Variants in DCDC2C observed in about 807,000 individuals in gnomAD.
DCDC2C encodes the protein doublecortin domain containing 2C, also known as doublecortin domain-containing protein 2C.
DCDC2C carries 44 observed loss-of-function variants against 45.0 expected under a neutral mutation model. The observed-to-expected ratio is 0.98, with a 90% CI of 0.77 to 1.26. The LOEUF is 1.26. Ranked by LOEUF, DCDC2C falls within the 50% of genes most tolerant of loss-of-function variation. DCDC2C has a pLI of 0.00. For synonymous variants in DCDC2C, 187 were observed against 178.8 expected (o/e 1.05, Z -0.37); for missense variants, 447 against 468.9 (o/e 0.95, Z 0.43).
intron 8 of DCDC2C, among the ~76,000 whole-genome samples, chr2:3,771,031 C>T (rs187677198): frequency 9.2e-4 from 140 of 152,334 alleles, no homozygotes; most frequent in African/African-American, 3.2e-3. Flanking sequence ...CGCTGTCAAG[C>T]GGCAATATTA....
chr2:3,843,574 T>C, intron 10 of DCDC2C, among the ~76,000 whole-genome samples: 1 of 152,212 alleles, frequency 6.6e-6, no homozygotes, highest in Non-Finnish European at 1.5e-5. Context: ...TCAGGAAATG[T>C]AGTTTGGCCG....
intron 10 of DCDC2C, among the ~76,000 whole-genome samples, chr2:3,794,095 ATTG>A (rs1294491215): frequency 6.6e-6 from 1 of 152,174 alleles, no homozygotes; most frequent in African/African-American, 2.4e-5. Context: ...ATTAAAATCT[ATTG>A]TTATATTCTG....
chr2:3,706,496 C>A (rs1205097076), intron 1 of DCDC2C, among the ~76,000 whole-genome samples: 2 of 152,024 alleles, frequency 1.3e-5, no homozygotes, highest in African/African-American at 4.8e-5. Flanking sequence ...TGGAGAAAGC[C>A]ACATTTACAA....
At chr2:3,842,018 C>T (rs1160537320) in intron 10 of DCDC2C, among the ~76,000 whole-genome samples, 3 of 152,094 alleles carry the variant, frequency 2.0e-5, no homozygotes, top group Admixed American at 6.6e-5. Flanking sequence ...GAGTTTGAAA[C>T]CCAGAAGGGA....
At chr2:3,735,437 T>G (rs1032509796) in intron 3 of DCDC2C, among the ~76,000 whole-genome samples, 3 of 149,424 alleles carry the variant, frequency 2.0e-5, no homozygotes, top group African/African-American at 7.3e-5. Flanking sequence ...CAACAGTCCC[T>G]GGTGTGTGAT....
intron 10 of DCDC2C, among the ~76,000 whole-genome samples, chr2:3,813,039 G>GTATATATA (rs202152340): frequency 5.7e-5 from 5 of 87,440 alleles, no homozygotes; most frequent in South Asian, 3.4e-4. Flanking sequence ...TGAGAAGAAC[G>GTATATATA]TATATATATA....
At chr2:3,747,339 C>T (rs1175047341) in intron 4 of DCDC2C, among the ~76,000 whole-genome samples, 1 of 152,178 alleles carries the variant, frequency 6.6e-6, no homozygotes. Flanking sequence ...GTGATGTAGG[C>T]GACACTCATT....
chr2:3,769,345 G>A lies in DCDC2C; in HGVS notation c.888G>A (p.Lys296=). Residue 296 remains lysine (K), a synonymous_variant, in exon 8 of 11, where the codon AAG becomes AAA. Transcript: ENST00000399143. The part of the protein sequence containing the change: ...GDVYKAPTPS[K]ETQGALDVKE... The stretch of plus-strand genomic sequence containing the variant: ...TGTATAAAGCACCGACTCCTAGCAA[G>A]GAAACCCAAGGGGCGCTGGACGTCA... 6.4e-7 allele frequency: 1 copy of A among 1,550,598 alleles called. No homozygotes were observed. The highest frequency in any genetic ancestry group is 2.4e-5 in the East Asian group (1 of 40,924).
At chr2:3,826,035 G>GC (rs1298451983) in intron 10 of DCDC2C, among the ~76,000 whole-genome samples, 1 of 152,078 alleles carries the variant, frequency 6.6e-6, no homozygotes, top group African/African-American at 2.4e-5. Flanking sequence ...AGAAAAAGTT[G>GC]CCCTTAAGAC....
At chr2:3,714,763 T>C (rs1322521556) in intron 2 of DCDC2C, among the ~76,000 whole-genome samples, 1 of 152,226 alleles carries the variant, frequency 6.6e-6, no homozygotes, top group Non-Finnish European at 1.5e-5. Context: ...TTTAACTTTG[T>C]CCAGGTGACT....
intron 2 of DCDC2C, among the ~76,000 whole-genome samples, chr2:3,720,318 C>G (rs1474632711): frequency 1.3e-5 from 2 of 152,218 alleles, no homozygotes; most frequent in Non-Finnish European, 2.9e-5. Context: ...GCATCAGGAA[C>G]AGTCCAGCAT....
At chr2:3,711,282 C>T (rs1036205002) in intron 2 of DCDC2C, among the ~76,000 whole-genome samples, 8 of 152,200 alleles carry the variant, frequency 5.3e-5, no homozygotes, top group African/African-American at 1.4e-4. Context: ...CCAGCAATGC[C>T]GTTACTGGGT....
At chr2:3,715,141 C>T (rs1572552417) in intron 2 of DCDC2C, among the ~76,000 whole-genome samples, 1 of 151,978 alleles carries the variant, frequency 6.6e-6, no homozygotes, top group East Asian at 1.9e-4. Context: ...TTTTTCAAAA[C>T]TCCTTTCTAT....
In DCDC2C at chr2:3,785,095, A is replaced by G; in HGVS notation, c.1060A>G (p.Arg354Gly). 1 of 1,231,756 alleles carries G rather than the reference A, an allele frequency of 8.1e-7. No individual in the cohort carries two copies. Among genetic ancestry groups the G allele is most frequent in the East Asian group, 3.2e-5 (1 of 31,700 alleles). The allele number at this position is 1,231,756 out of a possible 1,614,324, so 76.3% of individuals were successfully genotyped here. A position where few individuals can be genotyped will look rare whatever the true frequency, so the allele number is the denominator to read the frequency against. Residue 354 changes from arginine (R) to glycine (G), a missense_variant, in exon 10 of 11, where the codon AGA becomes GGA. Coordinates refer to ENST00000399143, the MANE Select transcript of DCDC2C (RefSeq NM_001287444.2). Reference protein sequence around the residue: ...EDARLCEDVERKMAREWKPVD With the variant: ...EDARLCEDVEGKMAREWKPVD ...TGCAAGGCTTTGTGAAGACGTTGAA[A>G]GAAAGGTTTGTATCAACAACAAATG... is the stretch of plus-strand genomic sequence containing the variant.
rs529356157 is a variant in DCDC2C, at chr2:3,710,040, T to G, written c.339+1440T>G. Reference sequence around the variant, plus strand: ...AGTTACCCAAAAGAGTTTAAAAAATTTTTATTTTTGAATTTCCACTTTGTT... The same window carrying G: ...AGTTACCCAAAAGAGTTTAAAAAATGTTTATTTTTGAATTTCCACTTTGTT... On this transcript the variant is annotated intron_variant, in intron 2 of 10. Transcript: ENST00000399143. Among the ~76,000 whole-genome samples the G allele has an allele frequency of 7.9e-5, 12 of 152,280 alleles. No individual in the cohort carries two copies. The South Asian group carries it at 2.5e-3, about 32-fold the overall frequency.
intron 10 of DCDC2C, among the ~76,000 whole-genome samples, chr2:3,837,233 G>T (rs1672104754): frequency 6.6e-6 from 1 of 152,168 alleles, no homozygotes; most frequent in Admixed American, 6.5e-5. Context: ...ATCTGCTAAG[G>T]AGTGGCATTA....
At chr2:3,792,703 A>T (rs1670850047) in intron 10 of DCDC2C, among the ~76,000 whole-genome samples, 1 of 152,144 alleles carries the variant, frequency 6.6e-6, no homozygotes, top group Non-Finnish European at 1.5e-5. Context: ...GGCTGCTTAC[A>T]CCACACTCTG....
intron 4 of DCDC2C, among the ~76,000 whole-genome samples, chr2:3,747,942 C>T (rs934381768): frequency 6.6e-5 from 10 of 152,044 alleles, no homozygotes; most frequent in South Asian, 2.1e-4. Flanking sequence ...TCTGAGAAGG[C>T]GACATTTGAG....
chr2:3,703,666 C>G lies in DCDC2C; in HGVS notation c.-86C>G. The G allele has an allele frequency of 5.9e-6, 7 of 1,191,256 alleles. No homozygotes were observed. Among genetic ancestry groups the G allele is most frequent in the Non-Finnish European group, 7.3e-6 (7 of 956,442 alleles). 73.8% of individuals were successfully genotyped at this position (1,191,256 alleles called of 1,614,324 possible). ...TGGAGCGGACCTCCCGTCGGCGGTGCCCGGGCCTGGGCGCGGCTCTGCAGG... is the reference window on the plus strand; with the variant it reads ...TGGAGCGGACCTCCCGTCGGCGGTGGCCGGGCCTGGGCGCGGCTCTGCAGG... On this transcript the variant is annotated 5_prime_UTR_variant, in exon 1 of 11. Coordinates refer to ENST00000399143, the MANE Select transcript of DCDC2C (RefSeq NM_001287444.2). This position sits in a 1 kb window ranked among gnomAD's most constrained non-coding sequence, Gnocchi z 4.4.
Sources: gnomAD v4.1 joint callset for allele counts (sites outside exome capture counted in the v4.1 genomes callset) on GRCh38, gnomAD v4.1.1 for gene constraint, Gnocchi (gnomAD v3.1) non-coding constraint, MANE v1.5 for transcripts, NCBI Gene and HGNC (gene_info 2026-07-23, HGNC 2026-07-21) for gene names.